VWA3B: variants seen among roughly 807,000 people sequenced by gnomAD.
VWA3B encodes von Willebrand factor A domain containing 3B, also known as von Willebrand factor A domain-containing protein 3B.
A neutral mutation model predicts 158.3 loss-of-function variants in VWA3B; 138 were observed. The observed-to-expected ratio is 0.87, with a 90% CI of 0.76 to 1.00. The LOEUF (loss-of-function observed/expected upper bound fraction) is 1.00, where lower values mean the gene tolerates loss of function less well. VWA3B is among the 50% of genes least tolerant of loss of function. The pLI is 0.00. For missense variants in VWA3B, 1,555 were observed against 1,565.1 expected (o/e 0.99, Z 0.11); for synonymous variants, 596 against 587.3 (o/e 1.01, Z -0.21).
Position 98,133,882 on chromosome 2 carries a change from G to T in VWA3B, c.931G>T (p.Asp311Tyr), listed in dbSNP as rs779930339. The change falls in exon 7 of 28, where the codon GAT (aspartate) becomes TAT (tyrosine). Residue 311 changes from aspartate to tyrosine, a missense_variant. Physicochemically the swap from Asp to Tyr is radical, Grantham distance 160. Transcript: ENST00000477737. ...AGAATTTCCTGCATTCTCCACAAAG[G>T]ATGGTGACAATGTGATGACTTGGAA... ...CVEFPAFSTK[D>Y]GDNVMTWNSR... 4 of 1,614,120 alleles carry T rather than the reference G, an allele frequency of 2.5e-6. No individual in the cohort carries two copies. In the South Asian group the frequency reaches 3.3e-5, roughly 13 times the overall value.
intron 7 of VWA3B, among the ~76,000 whole-genome samples, chr2:98,141,623 G>A (rs745917777): frequency 2.6e-5 from 4 of 152,178 alleles, no homozygotes; most frequent in Non-Finnish European, 5.9e-5. Flanking sequence ...ATGTGGAGAG[G>A]ACAGACATCC....
chr2:98,325,184 A>G, the VWA3B span, among the ~76,000 whole-genome samples: 4 of 152,108 alleles, frequency 2.6e-5, no homozygotes, highest in Admixed American at 2.0e-4. Context: ...CAAGAAGTTC[A>G]GTGAATCCCA....
At chr2:98,313,527 C>G (rs1204379862), downstream of VWA3B, among the ~76,000 whole-genome samples, 1 of 152,180 alleles carries the variant, frequency 6.6e-6, no homozygotes, top group Non-Finnish European at 1.5e-5. Flanking sequence ...AGCAAGGTGT[C>G]TGGTCTGGAG....
intron 7 of VWA3B, among the ~76,000 whole-genome samples, chr2:98,143,635 A>AT (rs1035697398): frequency 2.6e-5 from 4 of 152,154 alleles, no homozygotes; most frequent in African/African-American, 9.6e-5. Context: ...ATATAGTAAA[A>AT]TAAAAAAAAC....
At chr2:98,104,748 CT>C (rs1377993205) in intron 2 of VWA3B, among the ~76,000 whole-genome samples, 2 of 152,082 alleles carry the variant, frequency 1.3e-5, no homozygotes, top group Non-Finnish European at 2.9e-5. Flanking sequence ...TTTTGGCCTT[CT>C]TTTGTGCTAA....
Position 98,236,383 on chromosome 2 carries a change from T to G in VWA3B, c.2429-7T>G. 9.9e-6 allele frequency: 16 copies of G among 1,614,132 alleles called. No individual in the cohort carries two copies. Among genetic ancestry groups the G allele is most frequent in the Non-Finnish European group, 1.4e-5 (16 of 1,180,020 alleles). ...AAAATATACAACTGCCACTTCCCCT[T>G]CCACAGAAATGAGCATCTTGCTGGC... On this transcript the variant is annotated splice_region_variant and splice_polypyrimidine_tract_variant and intron_variant, in intron 17 of 27. Coordinates refer to ENST00000477737, the MANE Select transcript of VWA3B (RefSeq NM_144992.5).
intron 9 of VWA3B, among the ~76,000 whole-genome samples, chr2:98,182,164 C>A (rs1297728457): frequency 6.6e-6 from 1 of 152,196 alleles, no homozygotes; most frequent in African/African-American, 2.4e-5. Flanking sequence ...GAGGAGACAC[C>A]TGGGAAAGAA....
At chr2:98,174,871 C>A (rs951662205) in intron 8 of VWA3B, among the ~76,000 whole-genome samples, 1 of 152,226 alleles carries the variant, frequency 6.6e-6, no homozygotes, top group Non-Finnish European at 1.5e-5. Flanking sequence ...ACACACAGCT[C>A]CTCAGCAAGG....
intron 13 of VWA3B, among the ~76,000 whole-genome samples, chr2:98,216,602 A>G (rs562062770): frequency 6.6e-6 from 1 of 152,248 alleles, no homozygotes; most frequent in East Asian, 1.9e-4. Context: ...TGCACAGCTG[A>G]TGTGTGTGGA....
intron 7 of VWA3B, 21 bp from the exon 8 acceptor site, chr2:98,162,830 A>G (rs759092318): frequency 2.5e-6 from 4 of 1,612,704 alleles, no homozygotes; most frequent in South Asian, 1.1e-5. Context: ...CCGGCCGCTC[A>G]TGCTGTGTCT....
At chr2:98,167,485 G>A (rs1044929728) in intron 8 of VWA3B, among the ~76,000 whole-genome samples, 10 of 152,098 alleles carry the variant, frequency 6.6e-5, no homozygotes, top group African/African-American at 2.2e-4. Flanking sequence ...GCTTTCCCTC[G>A]CTTACTGCCT....
At chr2:98,200,255 G>C (rs1682418148) in intron 12 of VWA3B, among the ~76,000 whole-genome samples, 1 of 151,968 alleles carries the variant, frequency 6.6e-6, no homozygotes, top group African/African-American at 2.4e-5. Flanking sequence ...ATAATAGCTG[G>C]AGTCAGGCCA....
chr2:98,277,470 G>C (rs906465087), intron 22 of VWA3B, among the ~76,000 whole-genome samples: 1 of 152,158 alleles, frequency 6.6e-6, no homozygotes, highest in Non-Finnish European at 1.5e-5. Flanking sequence ...AAATCCTTTG[G>C]CCCAGAAAGA....
At chr2:98,315,853 G>A (rs889951954), downstream of VWA3B, among the ~76,000 whole-genome samples, 13 of 152,158 alleles carry the variant, frequency 8.5e-5, no homozygotes, top group Non-Finnish European at 1.8e-4. Context: ...TCAGTGAGAC[G>A]AAGGATATAA....
At chr2:98,328,143 T>G in the VWA3B span, among the ~76,000 whole-genome samples, 1 of 152,210 alleles carries the variant, frequency 6.6e-6, no homozygotes, top group Non-Finnish European at 1.5e-5. Flanking sequence ...TAAAGTTTTG[T>G]GTGTGTTACT....
At chr2:98,143,262 C>T (rs1676924664) in intron 7 of VWA3B, among the ~76,000 whole-genome samples, 1 of 152,172 alleles carries the variant, frequency 6.6e-6, no homozygotes, top group Non-Finnish European at 1.5e-5. Flanking sequence ...TGGTCATGAA[C>T]TCCTGACCTC....
chr2:98,177,277 T>C (rs1680090597), intron 8 of VWA3B, among the ~76,000 whole-genome samples: 1 of 152,200 alleles, frequency 6.6e-6, no homozygotes, highest in Non-Finnish European at 1.5e-5. Flanking sequence ...GTGGCATAGA[T>C]GTGCTCCCTT....
At chr2:98,279,665 A>T (rs1688750322) in intron 22 of VWA3B, among the ~76,000 whole-genome samples, 1 of 152,226 alleles carries the variant, frequency 6.6e-6, no homozygotes, top group Non-Finnish European at 1.5e-5. Flanking sequence ...GGAAGCTGTT[A>T]TCATCCCCAG....
At chr2:98,297,838 G>C (rs1035320670) in intron 23 of VWA3B, 69 bp from the exon 24 acceptor site, 3 of 1,415,820 alleles carry the variant, frequency 2.1e-6, no homozygotes, top group Admixed American at 2.7e-5. Flanking sequence ...TGGCCAGAAA[G>C]ATGGCACAAG....
Sources: gnomAD v4.1 joint callset for allele counts (sites outside exome capture counted in the v4.1 genomes callset) on GRCh38, gnomAD v4.1.1 for gene constraint, MANE v1.5 for transcripts, NCBI Gene and HGNC (gene_info 2026-07-23, HGNC 2026-07-21) for gene names.